KLHL13: variants seen among roughly 807,000 people sequenced by gnomAD.
KLHL13 encodes the protein kelch-like protein 13.
A neutral mutation model predicts 37.1 loss-of-function variants in KLHL13; 10 were observed. That is an observed-to-expected ratio of 0.27 (90% CI 0.17 to 0.46). The LOEUF is 0.46. Ranked by LOEUF, KLHL13 falls within the 20% of genes least tolerant of loss-of-function variation. KLHL13 has a pLI of 1.00. For missense variants in KLHL13, 360 were observed against 509.3 expected (o/e 0.71, Z 2.82); for synonymous variants, 163 against 181.2 (o/e 0.90, Z 0.81).
intron 1 of KLHL13, among the ~76,000 whole-genome samples, chrX:117,966,344 A>G (rs1602605998): frequency 9.0e-6 from 1 of 111,004 alleles, no homozygotes; most frequent in East Asian, 2.8e-4. Flanking sequence ...TAGGAATCCA[A>G]CTTACAAGGG....
intron 1 of KLHL13, among the ~76,000 whole-genome samples, chrX:118,036,978 A>C (rs2054451836): frequency 1.1e-5 from 1 of 93,108 alleles, no homozygotes; most frequent in Admixed American, 1.2e-4. Context: ...ATGCAGCCAA[A>C]AAACACATGA....
intron 1 of KLHL13, among the ~76,000 whole-genome samples, chrX:118,007,531 A>T: frequency 9.0e-6 from 1 of 111,489 alleles, no homozygotes; most frequent in East Asian, 2.8e-4. Flanking sequence ...TTCCTGTCAA[A>T]AACAACATTA....
At chrX:117,901,689 G>C (rs1930102683) in intron 6 of KLHL13, 144 bp downstream of exon 7, 2 of 319,997 alleles carry the variant, frequency 6.3e-6, no homozygotes, top group East Asian at 9.2e-5. Flanking sequence ...ATTTTTAATA[G>C]AGACAGGATT....
At chrX:118,071,567 T>C (rs1205493911) in intron 1 of KLHL13, among the ~76,000 whole-genome samples, 2 of 111,623 alleles carry the variant, frequency 1.8e-5, no homozygotes, top group Non-Finnish European at 3.8e-5. Context: ...TTTTGAGAAG[T>C]GTCTAGAAAA....
In KLHL13 at chrX:118,112,181, C is replaced by A. The variant is rs182800392; in HGVS notation, c.-56+4327G>T. ...AACACCAAACACGTGAAAAGTAAAA[C>A]AGTATTAAATGATCTAACATCAAAA... On this transcript the variant is annotated intron_variant, in intron 1 of 6. Coordinates refer to the KLHL13 transcript ENST00000371882. Among the ~76,000 whole-genome samples the A allele has an allele frequency of 2.3e-4, 26 of 112,321 alleles. 1 individual carries two copies. The East Asian group carries it at 7.0e-3, about 30-fold the overall frequency.
At chrX:117,949,652 G>C (rs1461175176) in intron 1 of KLHL13, among the ~76,000 whole-genome samples, 1 of 111,848 alleles carries the variant, frequency 8.9e-6, no homozygotes, top group Admixed American at 9.5e-5. Context: ...ACTGAAACCA[G>C]TACCATTGTG....
chrX:118,114,295 T>C (rs950207306), intron 1 of KLHL13, among the ~76,000 whole-genome samples: 1 of 112,342 alleles, frequency 8.9e-6, no homozygotes, highest in African/African-American at 3.2e-5. Flanking sequence ...TAAGTGCAGT[T>C]ACATTTAGTA....
chrX:117,906,368 G>A (rs1312346145), intron 5 of KLHL13, among the ~76,000 whole-genome samples: 1 of 111,540 alleles, frequency 9.0e-6, no homozygotes, highest in East Asian at 2.8e-4. Flanking sequence ...ACACGATCAT[G>A]GATAGAATTC....
At chrX:117,985,250 AT>A in intron 1 of KLHL13, 1 of 1,142,487 alleles carries the variant, frequency 8.8e-7, no homozygotes, top group Non-Finnish European at 1.2e-6. Flanking sequence ...CAATAAGCCC[AT>A]TTTTCTCTTA....
chrX:117,973,847 C>G (rs2053564561), upstream of KLHL13: 1 of 462,392 alleles, frequency 2.2e-6, no homozygotes, highest in Non-Finnish European at 2.6e-6. Flanking sequence ...CTCCCTCCCC[C>G]GCAGACAGCT....
chrX:118,101,995 T>C (rs1158692222), intron 1 of KLHL13, among the ~76,000 whole-genome samples: 1 of 111,756 alleles, frequency 8.9e-6, no homozygotes, highest in Non-Finnish European at 1.9e-5. Context: ...AACAAACTAA[T>C]ACAAGTAGCA....
intron 1 of KLHL13, among the ~76,000 whole-genome samples, chrX:118,094,027 G>A (rs910408584): frequency 1.8e-5 from 2 of 109,847 alleles, no homozygotes; most frequent in Admixed American, 2.0e-4. Context: ...GCTGGACAGA[G>A]AATGACTTTG....
chrX:117,983,635 A>G (rs1025517792), intron 1 of KLHL13: 1 of 519,758 alleles, frequency 1.9e-6, no homozygotes, highest in African/African-American at 2.3e-5. Context: ...ACAGCATTTT[A>G]GCTGTAAATT....
intron 1 of KLHL13, among the ~76,000 whole-genome samples, chrX:118,105,637 G>A (rs1254053446): frequency 8.9e-6 from 1 of 112,480 alleles, no homozygotes. Context: ...TGTTGCCCCT[G>A]GCAAGACTGT....
At chrX:117,995,398 G>A (rs1455900598) in intron 1 of KLHL13, among the ~76,000 whole-genome samples, 1 of 111,188 alleles carries the variant, frequency 9.0e-6, no homozygotes, top group African/African-American at 3.3e-5. Flanking sequence ...TCCATACTGA[G>A]GTGAAATCCA....
At chrX:117,967,385 GC>G (rs2053453938) in intron 1 of KLHL13, among the ~76,000 whole-genome samples, 2 of 111,038 alleles carry the variant, frequency 1.8e-5, no homozygotes, top group South Asian at 7.6e-4. Context: ...ACAAATACTT[GC>G]CTATCCCATA....
At chrX:117,996,978 T>A (rs1337727526) in intron 1 of KLHL13, among the ~76,000 whole-genome samples, 1 of 111,538 alleles carries the variant, frequency 9.0e-6, no homozygotes, top group Non-Finnish European at 1.9e-5. Flanking sequence ...ATCTGAAGAC[T>A]CATCCATCTT....
chrX:117,975,024 T>C (rs748943184), upstream of KLHL13, among the ~76,000 whole-genome samples: 49 of 111,328 alleles, frequency 4.4e-4, no homozygotes, highest in African/African-American at 1.6e-3. Context: ...TATTTAAAAG[T>C]TTTTTTTAAC....
chrX:117,960,682 A>T (rs1026201561), intron 1 of KLHL13, among the ~76,000 whole-genome samples: 2 of 112,285 alleles, frequency 1.8e-5, no homozygotes, highest in Non-Finnish European at 3.8e-5. Flanking sequence ...ATTTTCTGGT[A>T]GCCTTTATGT....
Sources: gnomAD v4.1 joint callset for allele counts (sites outside exome capture counted in the v4.1 genomes callset) on GRCh38, gnomAD v4.1.1 for gene constraint, MANE v1.5 for transcripts, NCBI Gene and HGNC (gene_info 2026-07-23, HGNC 2026-07-21) for gene names.